Variants in ZG16B observed in about 807,000 individuals in gnomAD.
ZG16B encodes zymogen granule protein 16B.
A neutral mutation model predicts 7.0 loss-of-function variants in ZG16B; 8 were observed. That is an observed-to-expected ratio of 1.15 (90% CI 0.68 to 2.08). The LOEUF (loss-of-function observed/expected upper bound fraction) is 2.08, where lower values mean the gene tolerates loss of function less well. ZG16B is among the 30% of genes most tolerant of loss of function. ZG16B has a pLI of 0.00. For missense variants in ZG16B, 232 were observed against 211.0 expected (o/e 1.10, Z -0.62); for synonymous variants, 92 against 86.1 (o/e 1.07, Z -0.38).
rs1304609099 is a variant in ZG16B at position 2,832,146 on chromosome 16, C to G, written c.506C>G (p.Pro169Arg). ...AATCTCACATACTCAGCAAACTCAC[C>G]CGTGGGTCGCTAGGGTGGGGTATGG... ...PVNLTYSANS[P>R]VGR Residue 169 changes from proline to arginine, a missense_variant, in exon 4 of 4, where the codon CCC (proline) becomes CGC (arginine). Pro to Arg is a moderately radical substitution (Grantham distance 103). Transcript: ENST00000382280. 5 of 1,611,822 alleles carry G rather than the reference C, an allele frequency of 3.1e-6. No individual in the cohort carries two copies. The highest frequency in any genetic ancestry group is 4.2e-6 in the Non-Finnish European group (5 of 1,178,216).
Position 2,830,435 on chromosome 16 carries a change from A to G in ZG16B, c.-7A>G. On this transcript the variant is annotated 5_prime_UTR_variant, in exon 2 of 4. Coordinates refer to ENST00000382280, the MANE Select transcript of ZG16B (RefSeq NM_145252.3). ...CACAGAGCCCTGGGATGCACCGGCC[A>G]GAGGCCATGCTGCTGCTGCTCACGC... 6.2e-7 allele frequency: 1 copy of G among 1,604,814 alleles called. No individual in the cohort carries two copies. The highest frequency in any genetic ancestry group is 2.3e-5 in the East Asian group (1 of 44,384).
chr16:2,831,586 T>G (rs1055348394), intron 3 of ZG16B, among the ~76,000 whole-genome samples: 11 of 152,164 alleles, frequency 7.2e-5, no homozygotes, highest in African/African-American at 2.7e-4. Flanking sequence ...ACGGGGAAAC[T>G]GAGTCCGGAG....
Position 2,831,994 on chromosome 16 carries a change from T to C in ZG16B, c.354T>C (p.Ser118=), listed in dbSNP as rs962720727. 5.0e-6 allele frequency: 8 copies of C among 1,614,084 alleles called. No homozygotes were observed. The African/African-American group carries it at 9.3e-5, about 19-fold the overall frequency. The change falls in exon 4 of 4, where the codon TCT becomes TCC. Residue 118 remains serine (S), a synonymous_variant. Transcript: ENST00000382280. ...YFGKLDGQIS[S]AYPSQEGQVL... is the part of the protein sequence containing the mutation. ...GGAAGCTTGATGGCCAGATCTCCTC[T>C]GCCTACCCCAGCCAAGAGGGGCAGG... is the stretch of plus-strand genomic sequence containing the variant.
Position 2,830,492 on chromosome 16 carries a change from G to C in ZG16B, c.51G>C (p.Gly17=). The C allele has an allele frequency of 6.3e-7, 1 of 1,596,988 alleles. No homozygotes were observed. The highest frequency in any genetic ancestry group is 8.5e-7 in the Non-Finnish European group (1 of 1,171,964). Residue 17 remains glycine (G), a splice_region_variant and synonymous_variant, in exon 2 of 4, where the codon GGG becomes GGC. Coordinates refer to ENST00000382280, the MANE Select transcript of ZG16B (RefSeq NM_145252.3). ...TCCTGGGGGGCCCCACCTGGGCAGG[G>C]AGTAAGTCAGTGGGGTCTGCCCTCA... ...LALLGGPTWA[G]KMYGPGGGKY... is the part of the protein sequence containing the mutation.
In ZG16B at chr16:2,831,097, G is replaced by A. The variant is rs192108893; in HGVS notation, c.155+301G>A. 691 of 349,872 alleles carry A rather than the reference G, an allele frequency of 2.0e-3. 4 individuals are homozygous for A. The highest frequency in any genetic ancestry group is 7.9e-3 in the Middle Eastern group (9 of 1,136). The allele number at this position is 349,872 out of a possible 1,614,324, so 21.7% of individuals were successfully genotyped here. ...ACTGTCAAAGAAGACAGGAGGTAAG[G>A]GTCAGAGTGGACCACTGACTGAATA... is the stretch of plus-strand genomic sequence containing the variant. On this transcript the variant is annotated intron_variant, in intron 3 of 3. Transcript: ENST00000382280.
chr16:2,830,612 G>C, intron 2 of ZG16B, 82 bp from the exon 3 acceptor site: 1 of 1,593,324 alleles, frequency 6.3e-7, no homozygotes, highest in Non-Finnish European at 8.6e-7. Context: ...GCCTGGAGGG[G>C]TGGGGTCCCC....
chr16:2,830,470 T>TG lies in ZG16B; in HGVS notation c.35dup (p.Thr14HisfsTer19), dbSNP rs755288939. 2.5e-6 allele frequency: 4 copies of TG among 1,600,116 alleles called. No individual in the cohort carries two copies. The highest frequency in any genetic ancestry group is 2.3e-5 in the East Asian group (1 of 44,084). On this transcript the variant is annotated frameshift_variant, in exon 2 of 4. Transcript: ENST00000382280. LOFTEE classifies it high-confidence loss of function. Reference sequence around the variant, plus strand: ...CTGCTGCTGCTCACGCTTGCCCTCCTGGGGGGCCCCACCTGGGCAGGGAGT... The same window carrying TG: ...CTGCTGCTGCTCACGCTTGCCCTCCTGGGGGGGCCCCACCTGGGCAGGGAGT...
Position 2,830,346 on chromosome 16 carries a change from A to G in ZG16B, c.-28+18A>G. The G allele has an allele frequency of 6.2e-7, 1 of 1,612,048 alleles. No homozygotes were observed. Among genetic ancestry groups the G allele is most frequent in the South Asian group, 1.1e-5 (1 of 90,656 alleles). On this transcript the variant is annotated intron_variant, in intron 1 of 3. Coordinates refer to ENST00000382280, the MANE Select transcript of ZG16B (RefSeq NM_145252.3). ...CAGGCGAGGTAAGGTGCTTGGCTCC[A>G]TGGGTGGGGCCCGGCAAGGTCACAC...
rs79789098 is a variant in ZG16B, at chr16:2,831,517, C to T, written c.156-279C>T. 1.1e-3 allele frequency among the ~76,000 whole-genome samples: 174 copies of T among 152,316 alleles called. No individual in the cohort carries two copies. In the East Asian group the frequency reaches 0.014, roughly 12 times the overall value. The stretch of plus-strand genomic sequence containing the variant: ...TGGGTCACGGAGACCTGGCGCTGCA[C>T]GCAGCTCTCCTCACCAGGATCTCAG... On this transcript the variant is annotated intron_variant, in intron 3 of 3. Coordinates refer to ENST00000382280, the MANE Select transcript of ZG16B (RefSeq NM_145252.3).
In ZG16B at chr16:2,832,022, CTGG is replaced by C. The variant is rs749597060; in HGVS notation, c.386_388del (p.Val129del). 1.3e-5 allele frequency: 21 copies of C among 1,614,066 alleles called. No individual in the cohort carries two copies. The highest frequency in any genetic ancestry group is 1.1e-5 in the Non-Finnish European group (13 of 1,180,056). ...CTACCCCAGCCAAGAGGGGCAGGTG[CTGG>C]TGGGCATCTATGGCCAGTATCAACT... On this transcript the variant is annotated inframe_deletion, in exon 4 of 4. Coordinates refer to ENST00000382280, the MANE Select transcript of ZG16B (RefSeq NM_145252.3).
chr16:2,831,835 G>C lies in ZG16B; in HGVS notation c.195G>C (p.Leu65=). The change falls in exon 4 of 4, where the codon CTG becomes CTC. Residue 65 remains leucine, a synonymous_variant. Transcript: ENST00000382280. ...VKLGDSWDVK[L]GALGGNTQEV... is the part of the protein sequence containing the mutation. The stretch of plus-strand genomic sequence containing the variant: ...TTGGAGACTCCTGGGACGTGAAACT[G>C]GGAGCCTTAGGTGGGAATACCCAGG... 1 of 1,613,946 alleles carries C rather than the reference G, an allele frequency of 6.2e-7. No homozygotes were observed. Among genetic ancestry groups the C allele is most frequent in the South Asian group, 1.1e-5 (1 of 91,074 alleles).
At position 2,832,203 on chromosome 16, in the gene ZG16B, G is replaced by A. The variant is rs748161716; in HGVS notation, c.*44G>A. 1 of 1,581,714 alleles carries A rather than the reference G, an allele frequency of 6.3e-7. No individual in the cohort carries two copies. The highest frequency in any genetic ancestry group is 8.6e-7 in the Non-Finnish European group (1 of 1,161,792). On this transcript the variant is annotated 3_prime_UTR_variant, in exon 4 of 4. Coordinates refer to ENST00000382280, the MANE Select transcript of ZG16B (RefSeq NM_145252.3). ...CCGAGCTGAGGCCATCTGGGTGGTGGTGGCTGATGGTACTGGAGTAACTGA... is the reference window on the plus strand; with the variant it reads ...CCGAGCTGAGGCCATCTGGGTGGTGATGGCTGATGGTACTGGAGTAACTGA...
chr16:2,831,502 A>T (rs1054708571), intron 3 of ZG16B, among the ~76,000 whole-genome samples: 2 of 152,200 alleles, frequency 1.3e-5, no homozygotes, highest in Non-Finnish European at 2.9e-5. Flanking sequence ...TGGGTCACGG[A>T]GACCTGGCGC....
At position 2,831,865 on chromosome 16, in the gene ZG16B, C is replaced by A; in HGVS notation, c.225C>A (p.Val75=). 6.2e-7 allele frequency: 1 copy of A among 1,614,132 alleles called. No individual in the cohort carries two copies. The highest frequency in any genetic ancestry group is 1.1e-5 in the South Asian group (1 of 91,072). The stretch of plus-strand genomic sequence containing the variant: ...CCTTAGGTGGGAATACCCAGGAAGT[C>A]ACCCTGCAGCCAGGCGAATACATCA... The part of the protein sequence containing the change: ...LGALGGNTQE[V]TLQPGEYITK... The change falls in exon 4 of 4, where the codon GTC becomes GTA. Residue 75 remains valine (V), a synonymous_variant. Coordinates refer to ENST00000382280, the MANE Select transcript of ZG16B (RefSeq NM_145252.3).
At chr16:2,831,003 C>T (rs944836017) in intron 3 of ZG16B, 1 of 548,620 alleles carries the variant, frequency 1.8e-6, no homozygotes, top group Non-Finnish European at 3.3e-6. Flanking sequence ...AACCCAAGCT[C>T]AACTCAACCA....
chr16:2,831,672 A>C, intron 3 of ZG16B, 124 bp from the exon 4 acceptor site: 3 of 1,413,304 alleles, frequency 2.1e-6, no homozygotes, highest in Non-Finnish European at 2.9e-6. Context: ...AGTCTGTGTC[A>C]GGGACCCAAA....
chr16:2,830,388 G>A (rs997519001), intron 1 of ZG16B, 27 bp from the exon 2 acceptor site: 28 of 1,605,496 alleles, frequency 1.7e-5, no homozygotes, highest in Middle Eastern at 1.6e-4. Context: ...TTGCTTTGGA[G>A]TCAGGAGGCC....
rs749178708 is a variant in ZG16B, at chr16:2,830,328, G to A, written c.-28G>A. ...CAACCAGACGCCCAGTCACAGGCGA[G>A]GTAAGGTGCTTGGCTCCATGGGTGG... is the stretch of plus-strand genomic sequence containing the variant. On this transcript the variant is annotated splice_region_variant and 5_prime_UTR_variant, in exon 1 of 4. Transcript: ENST00000382280. 1.2e-6 allele frequency: 2 copies of A among 1,613,126 alleles called. No individual in the cohort carries two copies. Among genetic ancestry groups the A allele is most frequent in the African/African-American group, 1.3e-5 (1 of 74,946 alleles).
In ZG16B at chr16:2,830,467, T is replaced by G. The variant is rs1352345817; in HGVS notation, c.26T>G (p.Leu9Arg). ...ATGCTGCTGCTGCTCACGCTTGCCCTCCTGGGGGGCCCCACCTGGGCAGGG... is the reference window on the plus strand; with the variant it reads ...ATGCTGCTGCTGCTCACGCTTGCCCGCCTGGGGGGCCCCACCTGGGCAGGG... MLLLLTLA[L>R]LGGPTWAGKM... is the part of the protein sequence containing the mutation. Residue 9 changes from leucine to arginine, a missense_variant, in exon 2 of 4, where the codon CTC becomes CGC. Leu to Arg is a moderately radical substitution (Grantham distance 102). Transcript: ENST00000382280. The G allele has an allele frequency of 1.9e-6, 3 of 1,600,600 alleles. No homozygotes were observed. In the African/African-American group the frequency reaches 4.0e-5, roughly 21 times the overall value.
Sources: gnomAD v4.1 joint callset for allele counts (sites outside exome capture counted in the v4.1 genomes callset) on GRCh38, gnomAD v4.1.1 for gene constraint, MANE v1.5 for transcripts, NCBI Gene and HGNC (gene_info 2026-07-23, HGNC 2026-07-21) for gene names.